Variants in TRHDE observed in about 807,000 individuals in gnomAD.
TRHDE encodes the protein thyrotropin-releasing hormone-degrading ectoenzyme.
A neutral mutation model predicts 125.7 loss-of-function variants in TRHDE; 72 were observed. The observed-to-expected ratio is 0.57, with a 90% CI of 0.47 to 0.70. TRHDE has a LOEUF of 0.70. TRHDE is among the 30% of genes least tolerant of loss of function. The pLI, the probability that TRHDE is intolerant of heterozygous loss-of-function variation, is 0.00. For synonymous variants in TRHDE, 509 were observed against 509.1 expected (o/e 1.00, Z 0.00); for missense variants, 1,110 against 1,327.1 (o/e 0.84, Z 2.54).
chr12:72,318,717 T>C (rs1868930102), intron 2 of TRHDE, among the ~76,000 whole-genome samples: 1 of 96,732 alleles, frequency 1.0e-5, no homozygotes, highest in Non-Finnish European at 1.9e-5. Flanking sequence ...TCAAAAGTTA[T>C]TTTTTTTTGT....
At chr12:72,321,876 T>C (rs1053320757) in intron 2 of TRHDE, among the ~76,000 whole-genome samples, 5 of 150,996 alleles carry the variant, frequency 3.3e-5, no homozygotes, top group East Asian at 1.9e-4. Context: ...TCTACATACA[T>C]ACACACACAC....
chr12:72,129,988 C>A (rs1312117361), intron 2 of TRHDE, among the ~76,000 whole-genome samples: 1 of 152,164 alleles, frequency 6.6e-6, no homozygotes, highest in African/African-American at 2.4e-5. Flanking sequence ...GAGATATAGT[C>A]ATTGTTAGAA....
At chr12:72,499,773 T>A (rs2135936011) in intron 6 of TRHDE, 138 bp downstream of exon 6, 1 of 958,872 alleles carries the variant, frequency 1.0e-6, no homozygotes, top group African/African-American at 1.7e-5. Flanking sequence ...AGTCACTAGG[T>A]TCGTGTCATT....
chr12:72,484,445 C>T (rs1877313260), intron 5 of TRHDE, among the ~76,000 whole-genome samples: 1 of 152,046 alleles, frequency 6.6e-6, no homozygotes, highest in Admixed American at 6.6e-5. Context: ...TGTTAACTAG[C>T]AAAGAAGAGA....
intron 15 of TRHDE, among the ~76,000 whole-genome samples, chr12:72,637,331 T>A (rs1873805199): frequency 6.6e-6 from 1 of 152,266 alleles, no homozygotes; most frequent in Non-Finnish European, 1.5e-5. Context: ...TTTGTATTTC[T>A]GTGGGATTGG....
chr12:72,605,563 A>T (rs540395923), intron 12 of TRHDE, among the ~76,000 whole-genome samples: 1 of 152,146 alleles, frequency 6.6e-6, no homozygotes, highest in Non-Finnish European at 1.5e-5. Flanking sequence ...TCCTTTTTCT[A>T]TCTCACTGGT....
chr12:72,431,609 A>G (rs1177169005), intron 3 of TRHDE: 1 of 151,886 alleles, frequency 6.6e-6, no homozygotes, highest in Non-Finnish European at 1.5e-5. Flanking sequence ...AAAAATACCT[A>G]ATGTTCAGAT....
intron 12 of TRHDE, among the ~76,000 whole-genome samples, chr12:72,593,667 C>T (rs914056141): frequency 6.6e-6 from 1 of 152,102 alleles, no homozygotes; most frequent in African/African-American, 2.4e-5. Flanking sequence ...CCTCCCCCCT[C>T]CTCCCACCCT....
intron 2 of TRHDE, among the ~76,000 whole-genome samples, chr12:72,350,111 C>T (rs1245312236): frequency 1.3e-5 from 2 of 152,018 alleles, no homozygotes; most frequent in Non-Finnish European, 2.9e-5. Context: ...TCAACAAACA[C>T]ATATGCTAGC....
chr12:72,163,774 T>C (rs929631674), intron 2 of TRHDE, among the ~76,000 whole-genome samples: 1 of 152,228 alleles, frequency 6.6e-6, no homozygotes, highest in African/African-American at 2.4e-5. Flanking sequence ...AGAATGGGTT[T>C]AACATGTAAT....
intron 2 of TRHDE, among the ~76,000 whole-genome samples, chr12:72,189,390 A>G (rs78711215): frequency 0.028 from 4,230 of 152,274 alleles, 104 homozygotes; most frequent in African/African-American, 0.059. Context: ...TCACTGTCAT[A>G]TCTTGAGTAA....
intron 2 of TRHDE, among the ~76,000 whole-genome samples, chr12:72,201,384 G>C (rs558650606): frequency 1.3e-5 from 2 of 152,088 alleles, no homozygotes; most frequent in Non-Finnish European, 2.9e-5. Context: ...AATAAGGAGA[G>C]ATAAATATTT....
chr12:72,306,073 C>G (rs573017083), intron 2 of TRHDE, among the ~76,000 whole-genome samples: 3 of 152,260 alleles, frequency 2.0e-5, no homozygotes, highest in South Asian at 4.1e-4. Flanking sequence ...ATTCCCTTTT[C>G]CCCTCTGCTG....
intron 7 of TRHDE, among the ~76,000 whole-genome samples, chr12:72,560,284 T>A (rs1870116836): frequency 6.6e-6 from 1 of 152,146 alleles, no homozygotes; most frequent in East Asian, 1.9e-4. Context: ...CTGCTTGAAG[T>A]GGAAACTTGA....
intron 2 of TRHDE, among the ~76,000 whole-genome samples, chr12:72,246,838 C>G (rs1159473071): frequency 6.6e-6 from 1 of 152,120 alleles, no homozygotes; most frequent in African/African-American, 2.4e-5. Flanking sequence ...ATTTGTTTTT[C>G]TTATTCCAAA....
chr12:72,591,168 A>AC (rs1425918473), intron 12 of TRHDE, among the ~76,000 whole-genome samples: 2 of 152,080 alleles, frequency 1.3e-5, no homozygotes, highest in South Asian at 4.2e-4. Flanking sequence ...GCATGGAAAA[A>AC]CCCACCCCCA....
At chr12:72,607,751 G>T (rs534390212) in intron 12 of TRHDE, among the ~76,000 whole-genome samples, 1 of 152,192 alleles carries the variant, frequency 6.6e-6, no homozygotes, top group South Asian at 2.1e-4. Context: ...TCTTTAAGTT[G>T]GTTTTAGAGC....
intron 3 of TRHDE, among the ~76,000 whole-genome samples, chr12:72,467,619 AG>A (rs1357826930): frequency 6.6e-6 from 1 of 152,174 alleles, no homozygotes; most frequent in Non-Finnish European, 1.5e-5. Flanking sequence ...GTTCAAGACC[AG>A]CCTGGACAAT....
At chr12:72,535,807 T>G (rs544194673) in intron 6 of TRHDE, among the ~76,000 whole-genome samples, 1 of 152,276 alleles carries the variant, frequency 6.6e-6, no homozygotes, top group Non-Finnish European at 1.5e-5. Context: ...ATTGTTTTAT[T>G]TCCACATATG....
Sources: allele counts gnomAD v4.1 joint callset (sites outside exome capture counted in the v4.1 genomes callset), GRCh38; gene constraint gnomAD v4.1.1; transcripts MANE v1.5; gene names NCBI Gene and HGNC (gene_info 2026-07-23, HGNC 2026-07-21).